Variants in ITPR1 observed in about 807,000 individuals in gnomAD.
ITPR1 encodes the protein inositol 1,4,5-trisphosphate receptor type 1.
A neutral mutation model predicts 318.4 loss-of-function variants in ITPR1; 96 were observed. The observed-to-expected ratio is 0.30, with a 90% confidence interval of 0.26 to 0.36. ITPR1 has a LOEUF of 0.36. Among genes scored for constraint, ITPR1 ranks in the 10% least tolerant of loss-of-function variants. The pLI is 1.00. For missense variants in ITPR1, 2,440 were observed against 3,460.2 expected (o/e 0.71, Z 7.40); for synonymous variants, 1,312 against 1,289.9 (o/e 1.02, Z -0.37).
chr3:4,579,083 A>C (rs1273030601), intron 4 of ITPR1, among the ~76,000 whole-genome samples: 9 of 152,194 alleles, frequency 5.9e-5, no homozygotes, highest in African/African-American at 2.2e-4. Flanking sequence ...TATTGACTTA[A>C]CGTAGCAGGC....
chr3:4,829,423 G>A (rs887287379), intron 60 of ITPR1, among the ~76,000 whole-genome samples: 1 of 150,866 alleles, frequency 6.6e-6, no homozygotes, highest in East Asian at 1.9e-4. Context: ...ACAAATTCCG[G>A]GTATGGAATC....
At chr3:4,569,133 G>A (rs2087712363) in intron 4 of ITPR1, among the ~76,000 whole-genome samples, 1 of 152,142 alleles carries the variant, frequency 6.6e-6, no homozygotes, top group African/African-American at 2.4e-5. Flanking sequence ...CTCTATGAAT[G>A]GGGCAGGTTC....
At chr3:4,578,707 G>A (rs1003528098) in intron 4 of ITPR1, among the ~76,000 whole-genome samples, 2 of 152,188 alleles carry the variant, frequency 1.3e-5, no homozygotes, top group Non-Finnish European at 2.9e-5. Context: ...CGTGGTTGGC[G>A]CGCTCATGAT....
intron 5 of ITPR1, among the ~76,000 whole-genome samples, chr3:4,631,207 G>C (rs1040793833): frequency 6.6e-6 from 1 of 152,176 alleles, no homozygotes; most frequent in Admixed American, 6.5e-5. Flanking sequence ...CTGTGGTTTT[G>C]ATCGATCTTG....
intron 4 of ITPR1, among the ~76,000 whole-genome samples, chr3:4,610,714 A>T (rs540292105): frequency 1.3e-5 from 2 of 152,226 alleles, no homozygotes; most frequent in Admixed American, 1.3e-4. Context: ...CACAGATCTA[A>T]CTTAGGGCAG....
At chr3:4,813,270 C>T (rs1187857445) in intron 57 of ITPR1, 36 bp downstream of exon 57, 14 of 1,444,010 alleles carry the variant, frequency 9.7e-6, no homozygotes, top group South Asian at 7.3e-5. Flanking sequence ...ATGTTAATAT[C>T]GGACTCCTCC....
intron 54 of ITPR1, among the ~76,000 whole-genome samples, chr3:4,801,672 G>T (rs997133025): frequency 2.6e-5 from 4 of 152,146 alleles, no homozygotes; most frequent in Non-Finnish European, 2.9e-5. Flanking sequence ...ACTGAGGCAG[G>T]AGAATCACTT....
At chr3:4,791,057 C>T (rs900332593) in intron 52 of ITPR1, among the ~76,000 whole-genome samples, 3 of 152,172 alleles carry the variant, frequency 2.0e-5, no homozygotes, top group Non-Finnish European at 4.4e-5. Flanking sequence ...TTATCCCACT[C>T]GTAAGTGTAT....
At position 4,683,762 on chromosome 3, in the gene ITPR1, T is replaced by G; in HGVS notation, c.3462T>G (p.Asp1154Glu). 1 of 1,613,860 alleles carries G rather than the reference T, an allele frequency of 6.2e-7. No homozygotes were observed. The highest frequency in any genetic ancestry group is 1.3e-5 in the African/African-American group (1 of 75,010). The change falls in exon 28 of 62, where the codon GAT (aspartate) becomes GAG (glutamate). Residue 1154 changes from aspartate (D) to glutamate (E), a missense_variant. This residue lies in a region of ITPR1 where 86 missense variants were observed against 75.6 expected (regional missense o/e 1.14). Coordinates refer to ENST00000649015, the MANE Select transcript of ITPR1 (RefSeq NM_001378452.1). ...YKGQGPDETM[D>E]GASGENEHKK... is the part of the protein sequence containing the mutation. ...GGCAGGGCCCCGATGAGACTATGGA[T>G]GGTGCATCTGGAGAAAATGAACATA...
At chr3:4,529,772 C>G (rs1463723572) in intron 4 of ITPR1, among the ~76,000 whole-genome samples, 1 of 152,132 alleles carries the variant, frequency 6.6e-6, no homozygotes, top group African/African-American at 2.4e-5. Flanking sequence ...TAGTGAATAC[C>G]TTGTGTAGTG....
chr3:4,766,792 T>C, intron 45 of ITPR1, 82 bp downstream of exon 45: 3 of 1,179,072 alleles, frequency 2.5e-6, no homozygotes, highest in Non-Finnish European at 2.4e-6. Flanking sequence ...TCATTACTTC[T>C]GTGCTCTAAA....
rs974907082 is a variant in ITPR1 at position 4,720,790 on chromosome 3, C to T, written c.5136+3391C>T. The stretch of plus-strand genomic sequence containing the variant: ...CGGCAAAAGATGCCATTGTAAAATT[C>T]GAGGTAGAGGGGGAAACAGGAGAAA... On this transcript the variant is annotated intron_variant, in intron 40 of 61. Coordinates refer to ENST00000649015, the MANE Select transcript of ITPR1 (RefSeq NM_001378452.1). 2.3e-5 allele frequency among the ~76,000 whole-genome samples: 3 copies of T among 130,578 alleles called. No individual in the cohort carries two copies. The Admixed American group carries it at 2.5e-4, about 11-fold the overall frequency. 85.7% of individuals were successfully genotyped at this position (130,578 alleles called of 152,430 possible). A position where few individuals can be genotyped will look rare whatever the true frequency, so the allele number is the denominator to read the frequency against.
chr3:4,831,091 CGTCT>C (rs1379698043), intron 60 of ITPR1: 21 of 441,224 alleles, frequency 4.8e-5, no homozygotes, highest in African/African-American at 1.7e-4. Context: ...CTTCCTCCTC[CGTCT>C]GTCTGTCTTT....
At chr3:4,607,498 C>T (rs555345020) in intron 4 of ITPR1, among the ~76,000 whole-genome samples, 4 of 152,174 alleles carry the variant, frequency 2.6e-5, no homozygotes, top group South Asian at 4.1e-4. Context: ...CAAATGGGGC[C>T]GATTGATCAA....
chr3:4,756,931 TG>T (rs2045042389), intron 44 of ITPR1, among the ~76,000 whole-genome samples: 1 of 152,254 alleles, frequency 6.6e-6, no homozygotes, highest in South Asian at 2.1e-4. Context: ...GAGTAGTTCT[TG>T]GTAGTAATCA....
rs79063622 is a variant in ITPR1 at position 4,580,902 on chromosome 3, G to A, written c.164-46861G>A. ...GTAACGTCAGGCAGGAGGAGTGAAC[G>A]TTTCCATCTCGGAGCAGCCAATATT... On this transcript the variant is annotated intron_variant, in intron 4 of 61. Coordinates refer to ENST00000649015, the MANE Select transcript of ITPR1 (RefSeq NM_001378452.1). Among the ~76,000 whole-genome samples, 25 of 152,226 alleles carry A rather than the reference G, an allele frequency of 1.6e-4. No individual in the cohort carries two copies. The East Asian group carries it at 3.1e-3, about 19-fold the overall frequency.
intron 36 of ITPR1, 104 bp from the exon 37 acceptor site, chr3:4,706,063 C>A: frequency 8.4e-7 from 1 of 1,188,952 alleles, no homozygotes; most frequent in Non-Finnish European, 1.2e-6. Flanking sequence ...CTGGCCCATT[C>A]TGGGTGTGAA....
chr3:4,662,323 G>A, intron 15 of ITPR1, 81 bp downstream of exon 15: 15 of 1,284,776 alleles, frequency 1.2e-5, no homozygotes, highest in Non-Finnish European at 1.6e-5. Context: ...TGAGAGAATG[G>A]TGACTCTGAA....
At chr3:4,666,039 C>G (rs2093940187) in intron 17 of ITPR1, among the ~76,000 whole-genome samples, 1 of 152,156 alleles carries the variant, frequency 6.6e-6, no homozygotes, top group Non-Finnish European at 1.5e-5. Flanking sequence ...CCAAGGACAT[C>G]CCCACACAAC....
Sources: gnomAD v4.1 joint callset for allele counts (sites outside exome capture counted in the v4.1 genomes callset) on GRCh38, gnomAD v4.1.1 for gene constraint, gnomAD v4.1.1 regional missense constraint, MANE v1.5 for transcripts, NCBI Gene and HGNC (gene_info 2026-07-23, HGNC 2026-07-21) for gene names.